The following SOX5 variants were observed in gnomAD, a reference collection of about 807,000 sequenced individuals.
SOX5 encodes the protein transcription factor SOX-5.
Under a neutral mutation model 92.0 loss-of-function variants are expected in SOX5, and 9 were observed. The ratio of observed to expected loss-of-function variants is 0.10; its 90% confidence interval spans 0.06 to 0.17. SOX5 has a LOEUF of 0.17. Ranked by LOEUF, SOX5 falls within the 10% of genes least tolerant of loss-of-function variation. SOX5 has a pLI of 1.00. For missense variants in SOX5, 642 were observed against 944.5 expected (o/e 0.68, Z 4.20); for synonymous variants, 344 against 336.3 (o/e 1.02, Z -0.25).
chr12:24,212,034 T>C (rs1350487819), intron 4 of SOX5, among the ~76,000 whole-genome samples: 4 of 152,224 alleles, frequency 2.6e-5, no homozygotes, highest in East Asian at 1.9e-4. Context: ...CAAAGTATCA[T>C]TGAAGAGTGG....
intron 2 of SOX5, among the ~76,000 whole-genome samples, chr12:23,854,901 G>A (rs549174610): frequency 1.2e-4 from 19 of 152,120 alleles, no homozygotes; most frequent in Non-Finnish European, 2.5e-4. Flanking sequence ...ATGAGCTGGG[G>A]TATTACATAA....
chr12:23,699,821 T>C (rs111483979), intron 6 of SOX5, among the ~76,000 whole-genome samples: 4 of 152,226 alleles, frequency 2.6e-5, no homozygotes, highest in African/African-American at 4.8e-5. Flanking sequence ...CCTATTGTGA[T>C]AGAGTTTACT....
At chr12:24,021,465 G>A (rs1448088262) in intron 4 of SOX5, among the ~76,000 whole-genome samples, 3 of 152,106 alleles carry the variant, frequency 2.0e-5, no homozygotes, top group Non-Finnish European at 4.4e-5. Context: ...CAGCATTAAC[G>A]CTTTTCACCT....
rs531254066 is a variant in SOX5 at position 24,118,578 on chromosome 12, T to A, written c.-2+94765A>T. ...ATTACTTGACATGATCATACATCTT[T>A]AAAAAAAAAGCCTAGGAAATCTCTA... On this transcript the variant is annotated intron_variant, in intron 4 of 4. Transcript: ENST00000446891. Among the ~76,000 whole-genome samples the A allele has an allele frequency of 3.3e-5, 5 of 150,676 alleles. No individual in the cohort carries two copies. In the East Asian group the frequency reaches 7.8e-4, roughly 23 times the overall value.
At chr12:24,480,439 A>G (rs550397026) in intron 1 of SOX5, among the ~76,000 whole-genome samples, 6 of 152,318 alleles carry the variant, frequency 3.9e-5, no homozygotes, top group Admixed American at 1.3e-4. Context: ...CTTCTGTGCC[A>G]CAAAGGATAC....
At chr12:23,877,389 T>C (rs151019958) in intron 2 of SOX5, among the ~76,000 whole-genome samples, 2 of 152,238 alleles carry the variant, frequency 1.3e-5, no homozygotes, top group Non-Finnish European at 2.9e-5. Flanking sequence ...TTTTGGAGAT[T>C]ATTCTTTGAA....
At position 23,993,138 on chromosome 12, in the gene SOX5, G is replaced by T. The variant is rs186729226; in HGVS notation, c.-1-97114C>A. 9.0e-3 allele frequency among the ~76,000 whole-genome samples: 1,371 copies of T among 152,180 alleles called. 12 individuals carry two copies. Among genetic ancestry groups the T allele is most frequent in the Middle Eastern group, 0.02 (6 of 294 alleles). ...TTAATTTGTTAAAACCTACACTCTG[G>T]TCTATAGGCTACAGATCTCAGACAG... On this transcript the variant is annotated intron_variant, in intron 4 of 4. Coordinates refer to the SOX5 transcript ENST00000446891.
chr12:23,986,391 T>C (rs999724400), intron 4 of SOX5, among the ~76,000 whole-genome samples: 5 of 152,126 alleles, frequency 3.3e-5, no homozygotes, highest in African/African-American at 1.2e-4. Context: ...ATAAAGTAGG[T>C]ATCTTGTCAG....
chr12:24,338,414 AAAGAG>A (rs1952159094), intron 2 of SOX5, among the ~76,000 whole-genome samples: 1 of 152,206 alleles, frequency 6.6e-6, no homozygotes, highest in African/African-American at 2.4e-5. Flanking sequence ...GTTATTCTCT[AAAGAG>A]AATAGGGGCG....
rs189982657 is a variant in SOX5, at chr12:24,371,339, T to A, written c.-250-2700A>T. On this transcript the variant is annotated intron_variant, in intron 1 of 4. Coordinates refer to the SOX5 transcript ENST00000446891. The stretch of plus-strand genomic sequence containing the variant: ...ACAAGTATAAGTTCGGAGACAGATT[T>A]TTCCCCCCCAGGGCTACAGACAAAA... Among the ~76,000 whole-genome samples, 608 of 152,274 alleles carry A rather than the reference T, an allele frequency of 4.0e-3. 7 individuals are homozygous for A. The highest frequency in any genetic ancestry group is 0.014 in the African/African-American group (570 of 41,548).
chr12:24,116,977 A>G (rs1948079251), intron 4 of SOX5, among the ~76,000 whole-genome samples: 1 of 151,280 alleles, frequency 6.6e-6, no homozygotes, highest in Admixed American at 6.6e-5. Flanking sequence ...AAAATGCAAA[A>G]AAAAAAAAAA....
chr12:24,043,180 T>C (rs1157160145), intron 4 of SOX5, among the ~76,000 whole-genome samples: 1 of 152,228 alleles, frequency 6.6e-6, no homozygotes, highest in East Asian at 1.9e-4. Flanking sequence ...TAATTGTTTT[T>C]GTTTAAAGGA....
chr12:23,984,742 C>T (rs1949903071), intron 4 of SOX5, among the ~76,000 whole-genome samples: 1 of 152,170 alleles, frequency 6.6e-6, no homozygotes, highest in Admixed American at 6.5e-5. Context: ...AAAGCTCTTA[C>T]TGTCATTTTA....
At chr12:23,625,864 C>T (rs996995364) in intron 8 of SOX5, among the ~76,000 whole-genome samples, 9 of 152,218 alleles carry the variant, frequency 5.9e-5, no homozygotes, top group African/African-American at 1.9e-4. Context: ...GCCTCGGCCT[C>T]CCAAAGTGTT....
chr12:24,508,355 T>C (rs549207186), intron 1 of SOX5, among the ~76,000 whole-genome samples: 4 of 152,178 alleles, frequency 2.6e-5, no homozygotes, highest in Admixed American at 2.0e-4. Flanking sequence ...CAGGAATTAG[T>C]CACTGGAAGG....
chr12:23,541,548 TAGATC>T (rs1032086181), intron 13 of SOX5, among the ~76,000 whole-genome samples: 5 of 152,052 alleles, frequency 3.3e-5, no homozygotes, highest in African/African-American at 1.2e-4. Flanking sequence ...AAGGGAAAAA[TAGATC>T]AGAGCTGGTA....
intron 2 of SOX5, among the ~76,000 whole-genome samples, chr12:23,869,591 C>G (rs994942476): frequency 2.0e-5 from 3 of 152,096 alleles, no homozygotes; most frequent in African/African-American, 7.2e-5. Context: ...CCATGGTCCT[C>G]TAGAAGGATG....
At chr12:23,821,045 C>A (rs772240635) in intron 3 of SOX5, among the ~76,000 whole-genome samples, 9 of 152,120 alleles carry the variant, frequency 5.9e-5, no homozygotes, top group Non-Finnish European at 2.9e-5. Context: ...ATTGATTCTT[C>A]CTATCCATGA....
At chr12:24,278,754 AC>A (rs1434799127) in intron 2 of SOX5, among the ~76,000 whole-genome samples, 11 of 152,162 alleles carry the variant, frequency 7.2e-5, no homozygotes, top group Admixed American at 5.9e-4. Context: ...ACAACAAAAA[AC>A]TTTTAACATG....
Sources: allele counts gnomAD v4.1 joint callset (sites outside exome capture counted in the v4.1 genomes callset), GRCh38; gene constraint gnomAD v4.1.1; transcripts MANE v1.5; gene names NCBI Gene and HGNC (gene_info 2026-07-23, HGNC 2026-07-21).